Variants in YWHAQ observed in about 807,000 individuals in gnomAD.
The protein encoded by YWHAQ is tyrosine 3-monooxygenase/tryptophan 5-monooxygenase activation protein theta.
Under a neutral mutation model 28.3 loss-of-function variants are expected in YWHAQ, and 6 were observed. That is an observed-to-expected ratio of 0.21 (90% CI 0.12 to 0.42). YWHAQ has a LOEUF of 0.42. YWHAQ is among the 10% of genes least tolerant of loss of function. YWHAQ has a pLI of 1.00. For synonymous variants in YWHAQ, 143 were observed against 119.1 expected, an observed-to-expected ratio of 1.20 and a Z score of -1.31; for missense variants, 201 against 305.6, an observed-to-expected ratio of 0.66 and a Z score of 2.55.
At chr2:9,593,905 A>AAC (rs1205661739) in intron 2 of YWHAQ, among the ~76,000 whole-genome samples, 2 of 127,632 alleles carry the variant, frequency 1.6e-5, no homozygotes, top group Non-Finnish European at 3.3e-5. Flanking sequence ...GATTAAAAAA[A>AAC]ATATATATAT....
At chr2:9,625,826 G>C (rs544069772) in intron 2 of YWHAQ, among the ~76,000 whole-genome samples, 1 of 152,302 alleles carries the variant, frequency 6.6e-6, no homozygotes, top group South Asian at 2.1e-4. Flanking sequence ...GAGAGAGTCT[G>C]AGGGATTAAG....
At chr2:9,609,916 C>T (rs1221887833) in intron 2 of YWHAQ, among the ~76,000 whole-genome samples, 1 of 152,126 alleles carries the variant, frequency 6.6e-6, no homozygotes, top group Non-Finnish European at 1.5e-5. Context: ...TAAAAGAAGT[C>T]ATCAATTAGA....
intron 2 of YWHAQ, among the ~76,000 whole-genome samples, chr2:9,601,939 T>C (rs62119427): frequency 0.6 from 90,463 of 151,900 alleles, 29,111 homozygotes; most frequent in African/African-American, 0.82. Context: ...TGAGCCACCA[T>C]GCCTGGCTGG....
Position 9,630,409 on chromosome 2 carries a change from T to TGCTCGGCCA in YWHAQ, c.35_43dup (p.Leu12_Glu14dup). 3 of 1,613,366 alleles carry TGCTCGGCCA rather than the reference T, an allele frequency of 1.9e-6. No individual in the cohort carries two copies. Among genetic ancestry groups the TGCTCGGCCA allele is most frequent in the Non-Finnish European group, 2.5e-6 (3 of 1,179,970 alleles). ...GGCCATGTCGTCGTAGCGCTCGGCC[T>TGCTCGGCCA]GCTCGGCCAGCTTGGCCTTCTGGAT... is the stretch of plus-strand genomic sequence containing the variant. On this transcript the variant is annotated inframe_insertion, in exon 2 of 6. Transcript: ENST00000238081. The surrounding 1 kb of genome is among the most constrained non-coding windows in gnomAD (Gnocchi z 5.6).
At position 9,630,662 on chromosome 2, in the gene YWHAQ, C is replaced by G; in HGVS notation, c.-82-128G>C. 1 of 435,318 alleles carries G rather than the reference C, an allele frequency of 2.3e-6. No individual in the cohort carries two copies. Among genetic ancestry groups the G allele is most frequent in the East Asian group, 4.0e-5 (1 of 25,310 alleles). The allele number at this position is 435,318 out of a possible 1,614,324, so 27.0% of individuals were successfully genotyped here. On this transcript the variant is annotated intron_variant, in intron 1 of 5. Coordinates refer to ENST00000238081, the MANE Select transcript of YWHAQ (RefSeq NM_006826.4). This position sits in a 1 kb window ranked among gnomAD's most constrained non-coding sequence, Gnocchi z 5.6. ...CTTGAATTTCCCTCTCCCCCGCCCCCTCCCCCGCTGGGCACCCGGGGAGGC... is the reference window on the plus strand; with the variant it reads ...CTTGAATTTCCCTCTCCCCCGCCCCGTCCCCCGCTGGGCACCCGGGGAGGC...
chr2:9,624,538 C>T (rs1667207335), intron 2 of YWHAQ, among the ~76,000 whole-genome samples: 1 of 152,058 alleles, frequency 6.6e-6, no homozygotes. Flanking sequence ...GGGCTGGGGT[C>T]TTCGTTGGGG....
chr2:9,626,965 C>T (rs535678624), intron 2 of YWHAQ, among the ~76,000 whole-genome samples: 3 of 152,300 alleles, frequency 2.0e-5, no homozygotes, highest in Admixed American at 6.5e-5. Context: ...CATGAGAACT[C>T]GAAGAGACTT....
At chr2:9,618,376 C>T (rs1175256134) in intron 2 of YWHAQ, among the ~76,000 whole-genome samples, 3 of 152,064 alleles carry the variant, frequency 2.0e-5, no homozygotes, top group Admixed American at 2.0e-4. Flanking sequence ...ATTTTGTAAA[C>T]ATTTCTTTGA....
intron 2 of YWHAQ, among the ~76,000 whole-genome samples, chr2:9,605,799 T>C (rs1434444705): frequency 6.9e-6 from 1 of 145,052 alleles, no homozygotes; most frequent in Non-Finnish European, 1.6e-5. Flanking sequence ...CTGACTCAAG[T>C]GATCTGCCCG....
chr2:9,605,751 G>C (rs1666814266), intron 2 of YWHAQ, among the ~76,000 whole-genome samples: 1 of 151,328 alleles, frequency 6.6e-6, no homozygotes, highest in Non-Finnish European at 1.5e-5. Context: ...TTGGTAGAGG[G>C]GGGTTTTCAC....
intron 2 of YWHAQ, among the ~76,000 whole-genome samples, chr2:9,598,062 G>A (rs1035790644): frequency 6.8e-5 from 9 of 132,404 alleles, no homozygotes; most frequent in East Asian, 4.5e-4. Flanking sequence ...TCAAACTCCC[G>A]ACTTCAGGTG....
rs972739269 is a variant in YWHAQ at position 9,611,297 on chromosome 2, T to G, written c.294+18862A>C. ...ACTAAACAATTTAATGATTATGTCT[T>G]GATTCCTACGTGAGTCTATCTGCCT... is the stretch of plus-strand genomic sequence containing the variant. On this transcript the variant is annotated intron_variant, in intron 2 of 5. Coordinates refer to ENST00000238081, the MANE Select transcript of YWHAQ (RefSeq NM_006826.4). Among the ~76,000 whole-genome samples, 8 of 152,350 alleles carry G rather than the reference T, an allele frequency of 5.3e-5. No homozygotes were observed. In the South Asian group the frequency reaches 1.2e-3, roughly 24 times the overall value.
intron 3 of YWHAQ, among the ~76,000 whole-genome samples, chr2:9,590,335 T>C (rs1024032440): frequency 1.3e-5 from 2 of 152,206 alleles, no homozygotes; most frequent in Admixed American, 6.5e-5. Flanking sequence ...AAGTTTAGTA[T>C]ATAGATTTTG....
At chr2:9,587,069 C>T (rs1318394466) in intron 5 of YWHAQ, among the ~76,000 whole-genome samples, 1 of 152,086 alleles carries the variant, frequency 6.6e-6, no homozygotes, top group African/African-American at 2.4e-5. Flanking sequence ...TTTAAGAAAG[C>T]GTAGATATTT....
chr2:9,617,267 A>C (rs1413970854), intron 2 of YWHAQ, among the ~76,000 whole-genome samples: 1 of 152,090 alleles, frequency 6.6e-6, no homozygotes, highest in East Asian at 1.9e-4. Flanking sequence ...CGTCCAAAAA[A>C]AGTAGTATTT....
chr2:9,616,597 A>G (rs543222030), intron 2 of YWHAQ, among the ~76,000 whole-genome samples: 1 of 152,130 alleles, frequency 6.6e-6, no homozygotes, highest in Non-Finnish European at 1.5e-5. Flanking sequence ...AAAGATTACA[A>G]CCCAATGATA....
chr2:9,618,565 G>A lies in YWHAQ; in HGVS notation c.294+11594C>T, dbSNP rs116334865. On this transcript the variant is annotated intron_variant, in intron 2 of 5. Coordinates refer to ENST00000238081, the MANE Select transcript of YWHAQ (RefSeq NM_006826.4). Reference sequence around the variant, plus strand: ...TCTGTCACCCAGGCTTGAGTGAAGTGGCAGGAAGACGGATCACTGCAGCCT... The same window carrying A: ...TCTGTCACCCAGGCTTGAGTGAAGTAGCAGGAAGACGGATCACTGCAGCCT... 4.5e-3 allele frequency among the ~76,000 whole-genome samples: 680 copies of A among 152,220 alleles called. 7 individuals carry two copies. Among genetic ancestry groups the A allele is most frequent in the African/African-American group, 0.016 (649 of 41,546 alleles).
At chr2:9,610,577 C>T (rs1334409432) in intron 2 of YWHAQ, among the ~76,000 whole-genome samples, 4 of 152,168 alleles carry the variant, frequency 2.6e-5, no homozygotes, top group African/African-American at 4.8e-5. Flanking sequence ...GGCGCAATCT[C>T]GGCTCACTGC....
chr2:9,621,080 T>C (rs1444711082), intron 2 of YWHAQ, among the ~76,000 whole-genome samples: 1 of 152,214 alleles, frequency 6.6e-6, no homozygotes, highest in Non-Finnish European at 1.5e-5. Context: ...AAGTGGAGTT[T>C]TCCAGAAGCT....
Sources: gnomAD v4.1 joint callset for allele counts (sites outside exome capture counted in the v4.1 genomes callset) on GRCh38, gnomAD v4.1.1 for gene constraint, Gnocchi (gnomAD v3.1) non-coding constraint, MANE v1.5 for transcripts, NCBI Gene and HGNC (gene_info 2026-07-23, HGNC 2026-07-21) for gene names.